The following MAD1L1 variants were observed in gnomAD, a reference collection of about 807,000 sequenced individuals.
MAD1L1 encodes the protein mitotic arrest deficient 1 like 1.
Under a neutral mutation model 96.9 loss-of-function variants are expected in MAD1L1, and 95 were observed. The ratio of observed to expected loss-of-function variants is 0.98; its 90% CI spans 0.83 to 1.16. The LOEUF (loss-of-function observed/expected upper bound fraction) is 1.16, where lower values mean the gene tolerates loss of function less well. Among genes scored for constraint, MAD1L1 ranks in the 50% most tolerant of loss-of-function variants. The pLI is 0.00. For missense variants in MAD1L1, 1,007 were observed against 954.4 expected, an observed-to-expected ratio of 1.06 and a Z score of -0.73; for synonymous variants, 473 against 396.6, an observed-to-expected ratio of 1.19 and a Z score of -2.29.
chr7:1,919,912 T>C (rs941399722), intron 17 of MAD1L1, among the ~76,000 whole-genome samples: 9 of 152,206 alleles, frequency 5.9e-5, no homozygotes, highest in Non-Finnish European at 1.2e-4. Flanking sequence ...AGTTGCAAAG[T>C]GCCCAGGGGT....
In MAD1L1 at chr7:1,815,937, GTGTC is replaced by G; in HGVS notation, c.*129_*132del. 1 of 1,078,322 alleles carries G rather than the reference GTGTC, an allele frequency of 9.3e-7. No homozygotes were observed. 66.8% of individuals were successfully genotyped at this position (1,078,322 alleles called of 1,614,324 possible). On this transcript the variant is annotated 3_prime_UTR_variant, in exon 19 of 19. Coordinates refer to ENST00000265854, the MANE Select transcript of MAD1L1 (RefSeq NM_001013836.2). ...CAGGAAGCCCGACGTAGGTCCCAGC[GTGTC>G]TGTCAGTCATGCTGCTGCCCTGTGG...
intron 9 of MAD1L1, 21 bp downstream of exon 9, chr7:2,215,864 G>C: frequency 6.2e-7 from 1 of 1,609,456 alleles, no homozygotes; most frequent in Non-Finnish European, 8.5e-7. Flanking sequence ...CACAGGAACC[G>C]CACACCACAC....
chr7:1,836,519 C>A (rs1782944174), intron 18 of MAD1L1, among the ~76,000 whole-genome samples: 1 of 152,180 alleles, frequency 6.6e-6, no homozygotes, highest in Non-Finnish European at 1.5e-5. Flanking sequence ...AGTCCTTATT[C>A]AAAATGGAGT....
At chr7:1,890,100 C>T (rs73288751) in intron 18 of MAD1L1, among the ~76,000 whole-genome samples, 2,287 of 152,306 alleles carry the variant, frequency 0.015, 60 homozygotes, top group African/African-American at 0.052. Flanking sequence ...GGCATGTATC[C>T]GTGGGAGGGT....
chr7:1,966,171 C>G (rs1397555789), intron 15 of MAD1L1, among the ~76,000 whole-genome samples: 1 of 152,264 alleles, frequency 6.6e-6, no homozygotes, highest in Admixed American at 6.5e-5. Flanking sequence ...GGGATGGGAA[C>G]CGCGCCCCAC....
At chr7:1,933,099 C>G (rs1017308352) in intron 17 of MAD1L1, among the ~76,000 whole-genome samples, 1 of 152,088 alleles carries the variant, frequency 6.6e-6, no homozygotes, top group South Asian at 2.1e-4. Flanking sequence ...GGGTTCCCTC[C>G]CCGCTGACGC....
At chr7:1,848,329 G>A (rs953218624) in intron 18 of MAD1L1, 1 of 159,244 alleles carries the variant, frequency 6.3e-6, no homozygotes, top group South Asian at 1.9e-4. Flanking sequence ...GGTGGGCTGT[G>A]TGCATGCCAG....
chr7:1,888,420 GA>G (rs1659870020), intron 18 of MAD1L1, among the ~76,000 whole-genome samples: 1 of 148,970 alleles, frequency 6.7e-6, no homozygotes, highest in African/African-American at 2.5e-5. Context: ...CTGTGCATGT[GA>G]GCATGCATGT....
At chr7:2,180,377 G>T (rs1477738897) in intron 10 of MAD1L1, among the ~76,000 whole-genome samples, 3 of 152,202 alleles carry the variant, frequency 2.0e-5, no homozygotes, top group African/African-American at 7.2e-5. Flanking sequence ...GAAATCTCTG[G>T]CTAATATTCA....
rs1354535589 is a variant in MAD1L1, at chr7:1,968,862, C to T, written c.1506-11143G>A. Among the ~76,000 whole-genome samples, 3 of 152,198 alleles carry T rather than the reference C, an allele frequency of 2.0e-5. No individual in the cohort carries two copies. Among genetic ancestry groups the T allele is most frequent in the Admixed American group, 6.5e-5 (1 of 15,286 alleles). Reference sequence around the variant, plus strand: ...CCGACCAGCGGCAGAAGAGATGTGACGACTAAAATCAACACGGTGCCCTGG... The same window carrying T: ...CCGACCAGCGGCAGAAGAGATGTGATGACTAAAATCAACACGGTGCCCTGG... On this transcript the variant is annotated intron_variant, in intron 15 of 18. Coordinates refer to ENST00000265854, the MANE Select transcript of MAD1L1 (RefSeq NM_001013836.2). The surrounding 1 kb of genome is among the most constrained non-coding windows in gnomAD (Gnocchi z 5.6).
At chr7:1,857,712 G>A (rs1244120994) in intron 18 of MAD1L1, among the ~76,000 whole-genome samples, 2 of 152,194 alleles carry the variant, frequency 1.3e-5, no homozygotes, top group African/African-American at 4.8e-5. Flanking sequence ...TGTGGGCAAG[G>A]CCAGGGCTCA....
At chr7:1,954,516 T>G (rs1446883747) in intron 16 of MAD1L1, among the ~76,000 whole-genome samples, 1 of 151,890 alleles carries the variant, frequency 6.6e-6, no homozygotes, top group Non-Finnish European at 1.5e-5. Flanking sequence ...GGGACAGGGG[T>G]GGGGCAGGAG....
At chr7:2,176,837 T>C (rs887044674) in intron 10 of MAD1L1, among the ~76,000 whole-genome samples, 10 of 152,202 alleles carry the variant, frequency 6.6e-5, no homozygotes, top group Non-Finnish European at 1.5e-4. Context: ...CTACTCAAAT[T>C]ATCATCAATA....
At chr7:1,974,756 G>C (rs995357328) in intron 15 of MAD1L1, among the ~76,000 whole-genome samples, 8 of 152,260 alleles carry the variant, frequency 5.3e-5, no homozygotes, top group African/African-American at 1.7e-4. Flanking sequence ...CTCAAGAGCG[G>C]AAGGGCGTGA....
At chr7:2,209,701 G>A (rs942791012) in intron 10 of MAD1L1, among the ~76,000 whole-genome samples, 4 of 152,148 alleles carry the variant, frequency 2.6e-5, no homozygotes, top group East Asian at 3.9e-4. Flanking sequence ...CTCGGGCCTC[G>A]GCAAGCCCCA....
chr7:1,973,227 G>A (rs780727582), intron 15 of MAD1L1, among the ~76,000 whole-genome samples: 2 of 152,172 alleles, frequency 1.3e-5, no homozygotes, highest in African/African-American at 2.4e-5. Context: ...AACTGTAAAT[G>A]TAGATCTGCC....
At position 2,120,146 on chromosome 7, in the gene MAD1L1, C is replaced by A. The variant is rs914225820; in HGVS notation, c.1073+29006G>T. Among the ~76,000 whole-genome samples, 4 of 152,352 alleles carry A rather than the reference C, an allele frequency of 2.6e-5. No individual in the cohort carries two copies. The East Asian group carries it at 7.7e-4, about 29-fold the overall frequency. ...TGGGTCTATGGTAAGGCCACCTCCCCCTCTCTTGGCCCTCTCCACCTGCTG... is the reference window on the plus strand; with the variant it reads ...TGGGTCTATGGTAAGGCCACCTCCCACTCTCTTGGCCCTCTCCACCTGCTG... On this transcript the variant is annotated intron_variant, in intron 11 of 18. Coordinates refer to ENST00000265854, the MANE Select transcript of MAD1L1 (RefSeq NM_001013836.2).
At chr7:1,908,728 T>A (rs931349681) in intron 17 of MAD1L1, among the ~76,000 whole-genome samples, 1 of 152,126 alleles carries the variant, frequency 6.6e-6, no homozygotes. Context: ...GAAGCCTGAA[T>A]CCGTTCTGAC....
At chr7:1,940,755 C>T (rs776350812) in intron 16 of MAD1L1, among the ~76,000 whole-genome samples, 3 of 152,224 alleles carry the variant, frequency 2.0e-5, no homozygotes, top group Admixed American at 2.0e-4. Flanking sequence ...TCAGATAACC[C>T]GCGTGTGTCC....
Sources: gnomAD v4.1 joint callset for allele counts (sites outside exome capture counted in the v4.1 genomes callset) on GRCh38, gnomAD v4.1.1 for gene constraint, Gnocchi (gnomAD v3.1) non-coding constraint, MANE v1.5 for transcripts, NCBI Gene and HGNC (gene_info 2026-07-23, HGNC 2026-07-21) for gene names.